Variants in SBNO2 observed in about 807,000 individuals in gnomAD.
The protein encoded by SBNO2 is strawberry notch homolog 2, also known as protein strawberry notch homolog 2.
A neutral mutation model predicts 146.3 loss-of-function variants in SBNO2; 89 were observed. The ratio of observed to expected loss-of-function variants is 0.61; its 90% CI spans 0.51 to 0.73. The LOEUF (loss-of-function observed/expected upper bound fraction) is 0.73, where lower values mean the gene tolerates loss of function less well. Ranked by LOEUF, SBNO2 falls within the 30% of genes least tolerant of loss-of-function variation. SBNO2 has a pLI of 0.00. For missense variants in SBNO2, 2,092 were observed against 2,003.7 expected, an observed-to-expected ratio of 1.04 and a Z score of -0.84; for synonymous variants, 1,147 against 892.6, an observed-to-expected ratio of 1.29 and a Z score of -5.08.
At chr19:1,145,867 C>T (rs988786502) in intron 4 of SBNO2, among the ~76,000 whole-genome samples, 7 of 152,100 alleles carry the variant, frequency 4.6e-5, no homozygotes, top group African/African-American at 1.7e-4. Context: ...AGCAGGGGCG[C>T]CCCCCTCCCC....
chr19:1,157,673 T>C lies in SBNO2; in HGVS notation c.-126-3271A>G, dbSNP rs899164361. ...TGTGGCTTCCTTCTGAAATCAGGTCTTCAAGGGAGTCGTTGTAAAAGAGAA... is the reference window on the plus strand; with the variant it reads ...TGTGGCTTCCTTCTGAAATCAGGTCCTCAAGGGAGTCGTTGTAAAAGAGAA... On this transcript the variant is annotated intron_variant, in intron 1 of 31. Transcript: ENST00000361757. This position sits in a 1 kb window ranked among gnomAD's most constrained non-coding sequence, Gnocchi z 6.8. Among the ~76,000 whole-genome samples the C allele has an allele frequency of 6.6e-6, 1 of 152,142 alleles. No individual in the cohort carries two copies. Among genetic ancestry groups the C allele is most frequent in the African/African-American group, 2.4e-5 (1 of 41,424 alleles).
At position 1,144,240 on chromosome 19, in the gene SBNO2, G is replaced by A. The variant is rs112563731; in HGVS notation, c.279+3069C>T. Among the ~76,000 whole-genome samples the A allele has an allele frequency of 7.2e-5, 11 of 152,160 alleles. No individual in the cohort carries two copies. Among genetic ancestry groups the A allele is most frequent in the Non-Finnish European group, 5.9e-5 (4 of 67,992 alleles). On this transcript the variant is annotated intron_variant, in intron 4 of 31. Transcript: ENST00000361757. The surrounding 1 kb of genome is among the most constrained non-coding windows in gnomAD (Gnocchi z 4.1). ...CACAGGACTGAGCTGACCCACACCC[G>A]TCCCATCCCACACTCAGCACTGGGG...
At chr19:1,152,649 C>A (rs565084358) in intron 2 of SBNO2, among the ~76,000 whole-genome samples, 3 of 152,244 alleles carry the variant, frequency 2.0e-5, no homozygotes, top group African/African-American at 7.2e-5. Flanking sequence ...GAGGGGTACC[C>A]TGGCCCCAGC....
intron 2 of SBNO2, among the ~76,000 whole-genome samples, chr19:1,152,011 G>C (rs944397642): frequency 2.0e-5 from 3 of 152,070 alleles, no homozygotes; most frequent in African/African-American, 7.2e-5. Context: ...AAGAGGCTGG[G>C]CTGTGCGTGT....
chr19:1,160,798 G>A (rs549846263), intron 1 of SBNO2, among the ~76,000 whole-genome samples: 2 of 152,236 alleles, frequency 1.3e-5, no homozygotes, highest in South Asian at 4.1e-4. Context: ...CCAAAGTGCT[G>A]GAATTACAGG....
intron 14 of SBNO2, among the ~76,000 whole-genome samples, chr19:1,117,984 C>T (rs531575453): frequency 6.6e-6 from 1 of 152,194 alleles, no homozygotes; most frequent in African/African-American, 2.4e-5. Context: ...ACGGCCCCAC[C>T]CCGGAGAGCA....
chr19:1,144,532 GGAGACA>G lies in SBNO2; in HGVS notation c.279+2771_279+2776del, dbSNP rs917396493. 7.2e-5 allele frequency among the ~76,000 whole-genome samples: 11 copies of G among 152,136 alleles called. No homozygotes were observed. Among genetic ancestry groups the G allele is most frequent in the African/African-American group, 2.7e-4 (11 of 41,490 alleles). On this transcript the variant is annotated intron_variant, in intron 4 of 31. Transcript: ENST00000361757. This position sits in a 1 kb window ranked among gnomAD's most constrained non-coding sequence, Gnocchi z 4.1. ...GAATTCATGAGACAGAGATGGAGACGGAGACAGAGACAGAGACATGGAGAGAGACAG... is the reference window on the plus strand; with the variant it reads ...GAATTCATGAGACAGAGATGGAGACGGAGACAGAGACATGGAGAGAGACAG...
At chr19:1,116,274 G>C (rs2079831045) in intron 16 of SBNO2, among the ~76,000 whole-genome samples, 171 bp from the exon 17 acceptor site, 3 of 152,012 alleles carry the variant, frequency 2.0e-5, no homozygotes, top group Admixed American at 6.6e-5. Context: ...GGCTGCCTGT[G>C]AGCTCTCCTC....
intron 1 of SBNO2, among the ~76,000 whole-genome samples, chr19:1,166,984 T>C (rs1448068272): frequency 6.6e-6 from 1 of 152,208 alleles, no homozygotes; most frequent in Non-Finnish European, 1.5e-5. Context: ...CCACTGTCCT[T>C]GAGCTTAAGT....
In SBNO2 at chr19:1,116,854, G is replaced by A; in HGVS notation, c.1777C>T (p.Leu593Phe). 1.3e-6 allele frequency: 2 copies of A among 1,591,040 alleles called. No individual in the cohort carries two copies. Among genetic ancestry groups the A allele is most frequent in the East Asian group, 4.6e-5 (2 of 43,838 alleles). The change falls in exon 16 of 32, where the codon CTC becomes TTC. Residue 593 changes from leucine to phenylalanine, a missense_variant. Leu to Phe is a conservative substitution (Grantham distance 22). Transcript: ENST00000361757. ...TCAGCGGCCGAGACGAAGCAGTTGA[G>A]GTGCCCATCGTTCTCCCCCAGCACC... is the stretch of plus-strand genomic sequence containing the variant. Reference protein sequence around the residue: ...REVLGENDGHLNCFVSAAEGV... With the variant: ...REVLGENDGHFNCFVSAAEGV...
rs921846870 is a variant in SBNO2 at position 1,110,876 on chromosome 19, G to A, written c.2897C>T (p.Thr966Ile). 1.2e-6 allele frequency: 2 copies of A among 1,613,736 alleles called. No homozygotes were observed. Among genetic ancestry groups the A allele is most frequent in the African/African-American group, 1.3e-5 (1 of 75,016 alleles). ...CCCCAGGATGCGGTTCAGGAACTTG[G>A]TGATGGAACAGTCTGGTAGGGGAGG... ...CLDVEKDCSI[T>I]KFLNRILGLE... Residue 966 changes from threonine (T) to isoleucine (I), a missense_variant, in exon 26 of 32, where the codon ACC (threonine) becomes ATC (isoleucine). Transcript: ENST00000361757. This position sits in a 1 kb window ranked among gnomAD's most constrained non-coding sequence, Gnocchi z 4.9.
chr19:1,154,856 G>A (rs80059539), intron 1 of SBNO2, among the ~76,000 whole-genome samples: 7,970 of 152,284 alleles, frequency 0.052, 374 homozygotes, highest in East Asian at 0.25. Context: ...AGAGGCAGCA[G>A]GGGCTCCACA....
chr19:1,145,418 A>T (rs2080180485), intron 4 of SBNO2, among the ~76,000 whole-genome samples: 1 of 150,496 alleles, frequency 6.6e-6, no homozygotes, highest in Admixed American at 6.6e-5. Context: ...GGTTGCAGTG[A>T]GCCAAGATCG....
intron 4 of SBNO2, among the ~76,000 whole-genome samples, chr19:1,131,363 C>T (rs1013541620): frequency 4.6e-5 from 7 of 152,186 alleles, no homozygotes; most frequent in African/African-American, 1.7e-4. Context: ...GCCGGGGCTG[C>T]CCGCTGTGGT....
In SBNO2 at chr19:1,119,005, G is replaced by T. The variant is rs181029918; in HGVS notation, c.1527+6C>A. ...AGGGGTCCCCGGGTCGGGTGCGCAG[G>T]CTCACCAGCAGGGCCGCGCGGTTGT... On this transcript the variant is annotated splice_donor_region_variant and intron_variant, in intron 14 of 31. Transcript: ENST00000361757. The T allele has an allele frequency of 1.7e-5, 27 of 1,579,786 alleles. No individual in the cohort carries two copies. In the South Asian group the frequency reaches 2.9e-4, roughly 17 times the overall value.
chr19:1,154,148 C>A (rs1194046990), intron 2 of SBNO2, 36 bp downstream of exon 2: 3 of 1,083,380 alleles, frequency 2.8e-6, no homozygotes, highest in African/African-American at 1.6e-5. Flanking sequence ...GCCCGTGGAC[C>A]CCGTCGGGTG....
chr19:1,158,913 A>G lies in SBNO2; in HGVS notation c.-126-4511T>C, dbSNP rs2080317416. Among the ~76,000 whole-genome samples, 1 of 147,884 alleles carries G rather than the reference A, an allele frequency of 6.8e-6. No homozygotes were observed. On this transcript the variant is annotated intron_variant, in intron 1 of 31. Transcript: ENST00000361757. The surrounding 1 kb of genome is among the most constrained non-coding windows in gnomAD (Gnocchi z 9.9). ...GCCCCACAGCCGCGACCCCACCTGCAGCCGTGACCCCACCTGCAGCCGCGA... is the reference window on the plus strand; with the variant it reads ...GCCCCACAGCCGCGACCCCACCTGCGGCCGTGACCCCACCTGCAGCCGCGA...
At chr19:1,170,721 C>T (rs546168610) in intron 1 of SBNO2, among the ~76,000 whole-genome samples, 14 of 152,070 alleles carry the variant, frequency 9.2e-5, no homozygotes, top group East Asian at 1.9e-4. Flanking sequence ...CATGAGAACA[C>T]GCAGCACGCA....
chr19:1,160,436 A>T (rs931019035), intron 1 of SBNO2, among the ~76,000 whole-genome samples: 15 of 152,148 alleles, frequency 9.9e-5, no homozygotes, highest in Non-Finnish European at 1.5e-4. Flanking sequence ...GGCTGCAGTG[A>T]GTGCCTGGTG....
Sources: gnomAD v4.1 joint callset for allele counts (sites outside exome capture counted in the v4.1 genomes callset) on GRCh38, gnomAD v4.1.1 for gene constraint, Gnocchi (gnomAD v3.1) non-coding constraint, MANE v1.5 for transcripts, NCBI Gene and HGNC (gene_info 2026-07-23, HGNC 2026-07-21) for gene names.